PRODH2: variants seen among roughly 807,000 people sequenced by gnomAD.
The protein encoded by PRODH2 is hydroxyproline dehydrogenase.
PRODH2 carries 49 observed loss-of-function variants against 51.9 expected under a neutral mutation model. The observed-to-expected ratio is 0.94, with a 90% CI of 0.75 to 1.20. The LOEUF (loss-of-function observed/expected upper bound fraction) is 1.20, where lower values mean the gene tolerates loss of function less well. Ranked by LOEUF, PRODH2 falls within the 50% of genes most tolerant of loss-of-function variation. The pLI, the probability that PRODH2 is intolerant of heterozygous loss-of-function variation, is 0.00. For missense variants in PRODH2, 597 were observed against 610.9 expected (o/e 0.98, Z 0.24); for synonymous variants, 249 against 260.7 (o/e 0.96, Z 0.43).
chr19:35,812,183 G>C lies in PRODH2; in HGVS notation c.461C>G (p.Ala154Gly). ...CGTCACCTTCAGCTGCATGAGGCTG[G>C]CCTCAGCCAGGCTGGGGGGCTCCAG... ...GLLEPPSLAE[A>G]SLMQLKVTAL... Residue 154 changes from alanine (A) to glycine (G), a missense_variant, in exon 3 of 10, where the codon GCC (alanine) becomes GGC (glycine). Coordinates refer to ENST00000653904, the MANE Select transcript of PRODH2 (RefSeq NM_021232.2). The C allele has an allele frequency of 1.2e-6, 2 of 1,614,142 alleles. No homozygotes were observed. Among genetic ancestry groups the C allele is most frequent in the Admixed American group, 1.7e-5 (1 of 60,030 alleles).
intron 8 of PRODH2, 77 bp downstream of exon 8, chr19:35,802,891 C>T (rs1972454739): frequency 9.3e-7 from 1 of 1,071,676 alleles, no homozygotes; most frequent in Non-Finnish European, 1.3e-6. Context: ...CTGTCCATCT[C>T]TGGCATTTGA....
intron 4 of PRODH2, among the ~76,000 whole-genome samples, chr19:35,810,370 G>T (rs944257951): frequency 6.6e-6 from 1 of 151,878 alleles, no homozygotes; most frequent in Non-Finnish European, 1.5e-5. Context: ...CTATAGCATT[G>T]TTTGGGAGGG....
Position 35,810,016 on chromosome 19 carries a change from C to CCAGCA in PRODH2, c.597+1941_597+1945dup, listed in dbSNP as rs531237472. ...GGCGTGGTGGCTCACGCCTGTAATC[C>CCAGCA]CAGCACTTTGGGAGGCTGAGGCGGG... is the stretch of plus-strand genomic sequence containing the variant. On this transcript the variant is annotated intron_variant, in intron 4 of 9. Coordinates refer to ENST00000653904, the MANE Select transcript of PRODH2 (RefSeq NM_021232.2). 1.5e-4 allele frequency among the ~76,000 whole-genome samples: 21 copies of CCAGCA among 138,728 alleles called. No individual in the cohort carries two copies. The South Asian group carries it at 5.0e-3, about 33-fold the overall frequency. The allele number at this position is 138,728 out of a possible 152,430, so 91.0% of individuals were successfully genotyped here. A position where few individuals can be genotyped will look rare whatever the true frequency, so the allele number is the denominator to read the frequency against.
Position 35,805,585 on chromosome 19 carries a change from T to C in PRODH2, c.1001+845A>G, listed in dbSNP as rs187147155. On this transcript the variant is annotated intron_variant, in intron 7 of 9. Coordinates refer to ENST00000653904, the MANE Select transcript of PRODH2 (RefSeq NM_021232.2). Reference sequence around the variant, plus strand: ...CCCGGCCATAATTTTTTGTGTTTAATGTTTTTTACAGATGGGGTCTTGCTA... The same window carrying C: ...CCCGGCCATAATTTTTTGTGTTTAACGTTTTTTACAGATGGGGTCTTGCTA... 5.3e-5 allele frequency among the ~76,000 whole-genome samples: 8 copies of C among 152,288 alleles called. No homozygotes were observed. The East Asian group carries it at 1.5e-3, about 30-fold the overall frequency.
intron 4 of PRODH2, among the ~76,000 whole-genome samples, chr19:35,809,239 GC>G (rs1187098839): frequency 1.3e-5 from 2 of 151,816 alleles, no homozygotes; most frequent in African/African-American, 2.4e-5. Context: ...GATTACAGGT[GC>G]CTGCCACCAC....
chr19:35,806,915 G>A (rs1374378310), intron 5 of PRODH2, 85 bp from the exon 6 acceptor site: 1 of 1,548,858 alleles, frequency 6.5e-7, no homozygotes, highest in African/African-American at 1.4e-5. Flanking sequence ...GGTTACCTGT[G>A]CCACCCGATG....
At chr19:35,811,178 A>C (rs1972602860) in intron 4 of PRODH2, among the ~76,000 whole-genome samples, 1 of 152,038 alleles carries the variant, frequency 6.6e-6, no homozygotes, top group African/African-American at 2.4e-5. Flanking sequence ...TTTTTATAAT[A>C]GAATATTGGG....
chr19:35,806,746 G>A lies in PRODH2; in HGVS notation c.763C>T (p.Leu255=), dbSNP rs1397879970. Residue 255 remains leucine (L), a synonymous_variant, in exon 6 of 10, where the codon CTG becomes TTG. Coordinates refer to ENST00000653904, the MANE Select transcript of PRODH2 (RefSeq NM_021232.2). ...CCCGGGCTGTTCCAGCGCACAGCCA[G>A]GGCAGCCACCAGCAGCGAGAGCGCA... ...NPALSLLVAA[L]AVRWNSPGEG... is the part of the protein sequence containing the mutation. The A allele has an allele frequency of 3.7e-6, 6 of 1,613,784 alleles. No homozygotes were observed. The highest frequency in any genetic ancestry group is 5.1e-6 in the Non-Finnish European group (6 of 1,179,946).
rs752504669 is a variant in PRODH2 at position 35,803,045 on chromosome 19, G to A, written c.1035C>T (p.His345=). Residue 345 remains histidine, a synonymous_variant, in exon 8 of 10, where the codon CAC becomes CAT. Coordinates refer to ENST00000653904, the MANE Select transcript of PRODH2 (RefSeq NM_021232.2). ...GGCACATGGGGCCATGGCGGGCCAC[G>A]TGCGTCAGCATCAGTTCCAGGCAGC... ...YSRCLELMLT[H]VARHGPMCHL... is the part of the protein sequence containing the mutation. 8.4e-5 allele frequency: 131 copies of A among 1,566,580 alleles called. No individual in the cohort carries two copies. Among genetic ancestry groups the A allele is most frequent in the Admixed American group, 1.1e-4 (6 of 54,134 alleles).
chr19:35,807,655 C>T (rs1457492305), intron 4 of PRODH2, among the ~76,000 whole-genome samples: 1 of 152,194 alleles, frequency 6.6e-6, no homozygotes, highest in African/African-American at 2.4e-5. Context: ...AGCCCTTTAC[C>T]TGCTCCCATG....
Position 35,806,460 on chromosome 19 carries a change from G to A in PRODH2, c.971C>T (p.Thr324Ile). The change falls in exon 7 of 10, where the codon ACT becomes ATT. Residue 324 changes from threonine (T) to isoleucine (I), a missense_variant. Physicochemically the swap from Thr to Ile is moderately conservative, Grantham distance 89. Transcript: ENST00000653904. ...VAQLHGMEDP[T>I]QPDYEATSQS... ...ACTGGTGGCCTCATAGTCAGGCTGA[G>A]TGGGGTCTTCCATCCCATGGAGCTG... The A allele has an allele frequency of 2.5e-6, 4 of 1,614,118 alleles. No individual in the cohort carries two copies. The highest frequency in any genetic ancestry group is 3.4e-6 in the Non-Finnish European group (4 of 1,180,012).
At chr19:35,800,441 GT>G (rs1972403573) in intron 9 of PRODH2, among the ~76,000 whole-genome samples, 1 of 152,040 alleles carries the variant, frequency 6.6e-6, no homozygotes, top group Non-Finnish European at 1.5e-5. Context: ...TAGAGATGGG[GT>G]TTCACCATGT....
chr19:35,802,831 G>T, intron 8 of PRODH2, 137 bp downstream of exon 8: 1 of 603,892 alleles, frequency 1.7e-6, no homozygotes. Flanking sequence ...ATAGGCATGT[G>T]CCAACCATGC....
intron 8 of PRODH2, 91 bp downstream of exon 8, chr19:35,802,877 A>T (rs1568440580): frequency 1.1e-6 from 1 of 886,862 alleles, no homozygotes; most frequent in African/African-American, 1.7e-5. Flanking sequence ...TCCCCAGAAC[A>T]CCTCTGTCCA....
rs540626106 is a variant in PRODH2 at position 35,803,396 on chromosome 19, A to C, written c.1002-318T>G. 3.9e-5 allele frequency among the ~76,000 whole-genome samples: 6 copies of C among 152,300 alleles called. No homozygotes were observed. The East Asian group carries it at 1.2e-3, about 29-fold the overall frequency. On this transcript the variant is annotated intron_variant, in intron 7 of 9. Transcript: ENST00000653904. Reference sequence around the variant, plus strand: ...CAGCCTCCCGAGCAGCTGGGATTACAGGCGTGCACCATCACACCCGGCTAA... The same window carrying C: ...CAGCCTCCCGAGCAGCTGGGATTACCGGCGTGCACCATCACACCCGGCTAA...
At chr19:35,807,761 C>T (rs570817090) in intron 4 of PRODH2, among the ~76,000 whole-genome samples, 3 of 151,994 alleles carry the variant, frequency 2.0e-5, no homozygotes, top group African/African-American at 7.2e-5. Context: ...CCTTATTTTC[C>T]CTTACTTGTT....
chr19:35,801,042 C>T (rs1480882137), intron 9 of PRODH2, among the ~76,000 whole-genome samples: 1 of 152,132 alleles, frequency 6.6e-6, no homozygotes, highest in African/African-American at 2.4e-5. Context: ...TGGTGCGTGC[C>T]TATAATCCCG....
chr19:35,810,890 C>A (rs1972597628), intron 4 of PRODH2, among the ~76,000 whole-genome samples: 1 of 152,082 alleles, frequency 6.6e-6, no homozygotes, highest in Non-Finnish European at 1.5e-5. Flanking sequence ...TCAAAGGGCA[C>A]ATTTACAATG....
intron 4 of PRODH2, among the ~76,000 whole-genome samples, chr19:35,810,154 G>T (rs141564176): frequency 0.026 from 3,850 of 147,796 alleles, 154 homozygotes; most frequent in African/African-American, 0.086. Flanking sequence ...TGTAATCCCA[G>T]CTACTCGGGA....
Sources: gnomAD v4.1 joint callset for allele counts (sites outside exome capture counted in the v4.1 genomes callset) on GRCh38, gnomAD v4.1.1 for gene constraint, MANE v1.5 for transcripts, NCBI Gene and HGNC (gene_info 2026-07-23, HGNC 2026-07-21) for gene names.